The following GRIA4 variants were observed in gnomAD, a reference collection of about 807,000 sequenced individuals.
GRIA4 encodes glutamate ionotropic receptor AMPA type subunit 4.
In GRIA4, 34 loss-of-function variants were observed where a neutral mutation model predicts 104.0. The observed-to-expected ratio is 0.33, with a 90% CI of 0.25 to 0.44. The LOEUF is 0.44. Among genes scored for constraint, GRIA4 ranks in the 20% least tolerant of loss-of-function variants. The pLI, the probability that GRIA4 is intolerant of heterozygous loss-of-function variation, is 1.00. For missense variants in GRIA4, 750 were observed against 1,096.5 expected, an observed-to-expected ratio of 0.68 and a Z score of 4.46; for synonymous variants, 386 against 381.9, an observed-to-expected ratio of 1.01 and a Z score of -0.13.
rs1266340818 is a variant in GRIA4 at position 105,933,864 on chromosome 11, T to C, written c.2189T>C (p.Met730Thr). 2.6e-5 allele frequency: 42 copies of C among 1,613,434 alleles called. No individual in the cohort carries two copies. The Admixed American group carries it at 6.7e-4, about 26-fold the overall frequency. The change falls in exon 14 of 17, where the codon ATG becomes ACG. Residue 730 changes from methionine (M) to threonine (T), a missense_variant. Around this residue, in one of 3 missense-constraint regions of GRIA4, gnomAD observed 272 missense variants for 524.5 expected, o/e 0.52. Coordinates refer to ENST00000282499, the MANE Select transcript of GRIA4 (RefSeq NM_000829.4). ...TTTGCCTTTCTCCTGGAGTCCACTATGAATGAATACATTGAGCAGCGAAAG... is the reference window on the plus strand; with the variant it reads ...TTTGCCTTTCTCCTGGAGTCCACTACGAATGAATACATTGAGCAGCGAAAG... ...GKFAFLLESTMNEYIEQRKPC... is the reference protein window; with the variant it reads ...GKFAFLLESTTNEYIEQRKPC...
At chr11:105,638,881 A>G (rs1485659017) in intron 3 of GRIA4, among the ~76,000 whole-genome samples, 1 of 151,794 alleles carries the variant, frequency 6.6e-6, no homozygotes, top group African/African-American at 2.4e-5. Context: ...TTCCTTCCTT[A>G]TCATCCTTAA....
chr11:105,970,998 AG>A (rs775397396), intron 14 of GRIA4, among the ~76,000 whole-genome samples: 69 of 152,308 alleles, frequency 4.5e-4, no homozygotes, highest in Non-Finnish European at 8.8e-4. Context: ...AAGATAGTAG[AG>A]GAGACAAATA....
intron 3 of GRIA4, among the ~76,000 whole-genome samples, chr11:105,622,077 T>C (rs1162279131): frequency 2.0e-5 from 3 of 151,870 alleles, no homozygotes; most frequent in Non-Finnish European, 4.4e-5. Flanking sequence ...GTCATATACG[T>C]TGCAAATTAT....
intron 3 of GRIA4, among the ~76,000 whole-genome samples, chr11:105,665,250 C>T (rs924706971): frequency 3.9e-5 from 6 of 151,920 alleles, no homozygotes; most frequent in Non-Finnish European, 8.8e-5. Flanking sequence ...ATACTTTTTT[C>T]AGTACTGTGT....
At chr11:105,611,373 G>A (rs1395391080) in intron 2 of GRIA4, among the ~76,000 whole-genome samples, 4 of 151,928 alleles carry the variant, frequency 2.6e-5, no homozygotes, top group Admixed American at 2.6e-4. Context: ...GAAAGTCTTC[G>A]GGGAATTTGG....
intron 4 of GRIA4, among the ~76,000 whole-genome samples, chr11:105,797,284 A>G (rs1252216753): frequency 1.3e-5 from 2 of 152,188 alleles, no homozygotes; most frequent in African/African-American, 4.8e-5. Context: ...TTTAGGTGAA[A>G]AACAAGGCGT....
At position 105,981,189 on chromosome 11, in the gene GRIA4, A is replaced by C. The variant is rs1026743213; in HGVS notation, c.*1450A>C. Reference sequence around the variant, plus strand: ...ATGAATTAAACTAACATGGTTCAAAAGAAGGTTTGGTTCATTTGAAATAAT... The same window carrying C: ...ATGAATTAAACTAACATGGTTCAAACGAAGGTTTGGTTCATTTGAAATAAT... On this transcript the variant is annotated 3_prime_UTR_variant, in exon 17 of 17. Transcript: ENST00000282499. 2 of 152,644 alleles carry C rather than the reference A, an allele frequency of 1.3e-5. No individual in the cohort carries two copies. The highest frequency in any genetic ancestry group is 4.8e-5 in the African/African-American group (2 of 41,456). The allele number at this position is 152,644 out of a possible 1,614,324, so 9.5% of individuals were successfully genotyped here. A position where few individuals can be genotyped will look rare whatever the true frequency, so the allele number is the denominator to read the frequency against.
intron 13 of GRIA4, among the ~76,000 whole-genome samples, chr11:105,931,711 CA>C (rs372902388): frequency 2.2e-4 from 32 of 146,144 alleles, no homozygotes; most frequent in South Asian, 8.7e-4. Flanking sequence ...TCTGCCCCCT[CA>C]AAAAAAAAAT....
chr11:105,761,010 C>A (rs2135716002), intron 4 of GRIA4, among the ~76,000 whole-genome samples: 1 of 152,182 alleles, frequency 6.6e-6, no homozygotes, highest in East Asian at 1.9e-4. Context: ...TACATATGTT[C>A]AAATATTCCG....
intron 3 of GRIA4, among the ~76,000 whole-genome samples, chr11:105,621,680 A>C (rs903971727): frequency 6.6e-6 from 1 of 151,838 alleles, no homozygotes; most frequent in African/African-American, 2.4e-5. Context: ...AACAACAGTA[A>C]AACTTCTTGT....
intron 4 of GRIA4, among the ~76,000 whole-genome samples, chr11:105,808,711 AC>A (rs748407661): frequency 6.6e-6 from 1 of 152,084 alleles, no homozygotes; most frequent in Non-Finnish European, 1.5e-5. Context: ...TACATGGCTA[AC>A]CTGTCTCACA....
At chr11:105,683,512 T>C (rs1030109285) in intron 3 of GRIA4, among the ~76,000 whole-genome samples, 1 of 152,260 alleles carries the variant, frequency 6.6e-6, no homozygotes, top group South Asian at 2.1e-4. Context: ...AACTCATTTT[T>C]CAAGACATTT....
At chr11:105,896,513 G>C (rs1456756726) in intron 6 of GRIA4, among the ~76,000 whole-genome samples, 1 of 152,026 alleles carries the variant, frequency 6.6e-6, no homozygotes, top group Non-Finnish European at 1.5e-5. Context: ...CCAATATCCA[G>C]AAGAGTTTTT....
chr11:105,789,156 A>G (rs749511820), intron 4 of GRIA4, among the ~76,000 whole-genome samples: 1 of 152,154 alleles, frequency 6.6e-6, no homozygotes, highest in Non-Finnish European at 1.5e-5. Flanking sequence ...ATTTTATAGC[A>G]TCACAGATAG....
chr11:105,843,379 C>T (rs1483728470), intron 4 of GRIA4, among the ~76,000 whole-genome samples: 1 of 152,148 alleles, frequency 6.6e-6, no homozygotes, highest in Non-Finnish European at 1.5e-5. Context: ...TGGTTTGAAA[C>T]ATATAATAGG....
intron 3 of GRIA4, among the ~76,000 whole-genome samples, chr11:105,745,186 G>T (rs569566686): frequency 2.0e-5 from 3 of 151,814 alleles, no homozygotes; most frequent in Admixed American, 1.3e-4. Context: ...TAATAATAAC[G>T]ATATTAATAA....
intron 4 of GRIA4, among the ~76,000 whole-genome samples, chr11:105,824,146 G>A (rs1943678798): frequency 6.6e-6 from 1 of 152,078 alleles, no homozygotes; most frequent in South Asian, 2.1e-4. Context: ...CATCCAGGCT[G>A]TGGTGTTTTG....
intron 3 of GRIA4, among the ~76,000 whole-genome samples, chr11:105,644,997 C>T (rs1325167923): frequency 6.6e-6 from 1 of 152,048 alleles, no homozygotes; most frequent in Non-Finnish European, 1.5e-5. Context: ...GTAGGAGAAA[C>T]GAGAAACTTC....
At chr11:105,947,476 T>C (rs1327841646) in intron 14 of GRIA4, among the ~76,000 whole-genome samples, 1 of 152,178 alleles carries the variant, frequency 6.6e-6, no homozygotes, top group African/African-American at 2.4e-5. Context: ...TTTGAATTCT[T>C]ATAAAATACT....
Sources: allele counts gnomAD v4.1 joint callset (sites outside exome capture counted in the v4.1 genomes callset), GRCh38; gene constraint gnomAD v4.1.1; regional missense constraint gnomAD v4.1.1; transcripts MANE v1.5; gene names NCBI Gene and HGNC (gene_info 2026-07-23, HGNC 2026-07-21).